The following CAMTA1 variants were observed in gnomAD, a reference collection of about 807,000 sequenced individuals.
CAMTA1 encodes the protein calmodulin binding transcription activator 1.
In CAMTA1, 27 loss-of-function variants were observed where a neutral mutation model predicts 170.9. The observed-to-expected ratio is 0.16, with a 90% CI of 0.12 to 0.22. CAMTA1 has a LOEUF of 0.22. Ranked by LOEUF, CAMTA1 falls within the 10% of genes least tolerant of loss-of-function variation. CAMTA1 has a pLI of 1.00. For synonymous variants in CAMTA1, 833 were observed against 891.5 expected (o/e 0.93, Z 1.17); for missense variants, 1,619 against 2,217.2 (o/e 0.73, Z 5.42).
At chr1:7,110,306 G>A (rs1643941620) in intron 4 of CAMTA1, among the ~76,000 whole-genome samples, 2 of 151,664 alleles carry the variant, frequency 1.3e-5, no homozygotes, top group Admixed American at 1.3e-4. Flanking sequence ...TTCTTTTCCT[G>A]AAGGGCTAGA....
chr1:7,126,619 A>C (rs568028432), intron 4 of CAMTA1, among the ~76,000 whole-genome samples: 7 of 152,336 alleles, frequency 4.6e-5, no homozygotes, highest in East Asian at 3.9e-4. Flanking sequence ...GTTGTATTAA[A>C]ATAATGAATA....
Position 7,580,650 on chromosome 1 carries a change from G to T in CAMTA1, c.511-59750G>T, listed in dbSNP as rs2095252543. On this transcript the variant is annotated intron_variant, in intron 6 of 22. Coordinates refer to ENST00000303635, the MANE Select transcript of CAMTA1 (RefSeq NM_015215.4). The surrounding 1 kb of genome is among the most constrained non-coding windows in gnomAD (Gnocchi z 4.3). ...ACTGCTCATTCTCGGTGGCACCAAA[G>T]GTCCCTGGGCACCTGGCCCCGAGGC... Among the ~76,000 whole-genome samples, 1 of 150,380 alleles carries T rather than the reference G, an allele frequency of 6.6e-6. No individual in the cohort carries two copies. The highest frequency in any genetic ancestry group is 2.1e-4 in the South Asian group (1 of 4,676).
chr1:7,290,608 C>A (rs568759425), intron 5 of CAMTA1, among the ~76,000 whole-genome samples: 65 of 152,166 alleles, frequency 4.3e-4, no homozygotes, highest in Non-Finnish European at 1.2e-4. Context: ...TATCTTCCTG[C>A]GTGTATTGAC....
intron 3 of CAMTA1, among the ~76,000 whole-genome samples, chr1:6,854,482 C>G (rs182034935): frequency 1.3e-5 from 2 of 152,174 alleles, no homozygotes; most frequent in East Asian, 3.9e-4. Flanking sequence ...CAGAATGTAT[C>G]CCTGTTGTTA....
intron 6 of CAMTA1, among the ~76,000 whole-genome samples, chr1:7,548,381 C>T (rs1345534786): frequency 6.6e-6 from 1 of 152,108 alleles, no homozygotes; most frequent in East Asian, 1.9e-4. Context: ...AATGGAGGTG[C>T]CCATGGAGGG....
intron 3 of CAMTA1, among the ~76,000 whole-genome samples, chr1:6,839,756 T>C (rs1355274226): frequency 2.0e-5 from 3 of 151,844 alleles, no homozygotes; most frequent in African/African-American, 7.3e-5. Context: ...GCAAAGGTAA[T>C]AGCCTGTGCA....
intron 3 of CAMTA1, among the ~76,000 whole-genome samples, chr1:6,865,769 A>G (rs1666382024): frequency 6.6e-6 from 1 of 152,188 alleles, no homozygotes; most frequent in Non-Finnish European, 1.5e-5. Flanking sequence ...GAAGAAAGTG[A>G]GACCTTAGTT....
At chr1:7,285,291 C>T (rs1036386299) in intron 5 of CAMTA1, among the ~76,000 whole-genome samples, 6 of 152,180 alleles carry the variant, frequency 3.9e-5, no homozygotes, top group Non-Finnish European at 7.3e-5. Context: ...GGTAATTACA[C>T]CCCAGACTGG....
At position 7,752,441 on chromosome 1, in the gene CAMTA1, ATAT is replaced by A. The variant is rs2096903820; in HGVS notation, c.4884-16_4884-14del. The A allele has an allele frequency of 1.2e-6, 2 of 1,611,516 alleles. No individual in the cohort carries two copies. Among genetic ancestry groups the A allele is most frequent in the Middle Eastern group, 1.7e-4 (1 of 5,860 alleles). On this transcript the variant is annotated splice_polypyrimidine_tract_variant and intron_variant, in intron 20 of 22. Transcript: ENST00000303635. ...TTACTGTAACCTTCTTGTGACAATAATATTCTGACTTTTTCAGGAGCAGTTTGC... is the reference window on the plus strand; with the variant it reads ...TTACTGTAACCTTCTTGTGACAATAATCTGACTTTTTCAGGAGCAGTTTGC...
intron 3 of CAMTA1, among the ~76,000 whole-genome samples, chr1:6,949,582 A>G (rs551963290): frequency 6.6e-6 from 1 of 152,336 alleles, no homozygotes; most frequent in African/African-American, 2.4e-5. Flanking sequence ...TCACCCATCC[A>G]ATCCCCCTTC....
chr1:7,139,068 G>A (rs1413180578), intron 4 of CAMTA1, among the ~76,000 whole-genome samples: 1 of 119,462 alleles, frequency 8.4e-6, no homozygotes, highest in African/African-American at 3.9e-5. Context: ...TTTATTATTT[G>A]TTTATTTATA....
At chr1:7,735,097 T>G (rs2096761351) in intron 12 of CAMTA1, among the ~76,000 whole-genome samples, 1 of 152,226 alleles carries the variant, frequency 6.6e-6, no homozygotes, top group African/African-American at 2.4e-5. Context: ...CTAAATGCTT[T>G]TCTCAGTATT....
At position 7,641,997 on chromosome 1, in the gene CAMTA1, G is replaced by A. The variant is rs2095765285; in HGVS notation, c.664+1444G>A. Among the ~76,000 whole-genome samples the A allele has an allele frequency of 6.9e-6, 1 of 144,446 alleles. No homozygotes were observed. The highest frequency in any genetic ancestry group is 1.5e-5 in the Non-Finnish European group (1 of 67,278). The allele number at this position is 144,446 out of a possible 152,430, so 94.8% of individuals were successfully genotyped here. A position where few individuals can be genotyped will look rare whatever the true frequency, so the allele number is the denominator to read the frequency against. On this transcript the variant is annotated intron_variant, in intron 7 of 22. Transcript: ENST00000303635. The surrounding 1 kb of genome is among the most constrained non-coding windows in gnomAD (Gnocchi z 4.5). ...GCAGGACTCTGCGCCCTTTCCACCT[G>A]CTGTAGTCCCCACTCCCCAGAGCCT...
chr1:7,136,462 T>C (rs1645550376), intron 4 of CAMTA1, among the ~76,000 whole-genome samples: 1 of 152,200 alleles, frequency 6.6e-6, no homozygotes, highest in Admixed American at 6.5e-5. Flanking sequence ...TTCCTGTCTA[T>C]TGGATGATTC....
At chr1:7,573,828 C>G (rs1043814123) in intron 6 of CAMTA1, among the ~76,000 whole-genome samples, 4 of 152,166 alleles carry the variant, frequency 2.6e-5, no homozygotes, top group Non-Finnish European at 5.9e-5. Flanking sequence ...GGCTGGAGTG[C>G]AGTGGCGCCA....
At chr1:7,444,991 G>A (rs1221823753) in intron 5 of CAMTA1, among the ~76,000 whole-genome samples, 5 of 151,302 alleles carry the variant, frequency 3.3e-5, no homozygotes, top group African/African-American at 1.2e-4. Flanking sequence ...AGCCCATGAT[G>A]TGGAATCAAA....
At chr1:7,336,097 G>A (rs1442800198) in intron 5 of CAMTA1, among the ~76,000 whole-genome samples, 1 of 152,190 alleles carries the variant, frequency 6.6e-6, no homozygotes, top group African/African-American at 2.4e-5. Context: ...TGGAGTGGCC[G>A]CTCTCACCCT....
At chr1:7,684,694 C>T (rs893579170) in intron 11 of CAMTA1, among the ~76,000 whole-genome samples, 2 of 152,232 alleles carry the variant, frequency 1.3e-5, no homozygotes, top group Non-Finnish European at 2.9e-5. Flanking sequence ...TAATGAATTA[C>T]TAATTACATT....
rs368775516 is a variant in CAMTA1 at position 7,270,256 on chromosome 1, C to T, written c.438+20630C>T. On this transcript the variant is annotated intron_variant, in intron 5 of 22. Coordinates refer to ENST00000303635, the MANE Select transcript of CAMTA1 (RefSeq NM_015215.4). ...ACACATATATACATACACACACACA[C>T]ACACACACACACACACACATATATA... Among the ~76,000 whole-genome samples, 9 of 29,572 alleles carry T rather than the reference C, an allele frequency of 3.0e-4. No individual in the cohort carries two copies. In the South Asian group the frequency reaches 7.3e-3, roughly 24 times the overall value. 19.4% of individuals were successfully genotyped at this position (29,572 alleles called of 152,430 possible).
Sources: allele counts gnomAD v4.1 joint callset (sites outside exome capture counted in the v4.1 genomes callset), GRCh38; gene constraint gnomAD v4.1.1; non-coding constraint Gnocchi (gnomAD v3.1); transcripts MANE v1.5; gene names NCBI Gene and HGNC (gene_info 2026-07-23, HGNC 2026-07-21).